The following PDE4D variants were observed in gnomAD, a reference collection of about 807,000 sequenced individuals.
PDE4D encodes the protein phosphodiesterase 4D.
Under a neutral mutation model 87.4 loss-of-function variants are expected in PDE4D, and 24 were observed. The ratio of observed to expected loss-of-function variants is 0.27; its 90% CI spans 0.20 to 0.39. PDE4D has a LOEUF of 0.39. Among genes scored for constraint, PDE4D ranks in the 10% least tolerant of loss-of-function variants. PDE4D has a pLI of 1.00. For missense variants in PDE4D, 714 were observed against 1,041.0 expected, an observed-to-expected ratio of 0.69 and a Z score of 4.32; for synonymous variants, 384 against 383.2, an observed-to-expected ratio of 1.00 and a Z score of -0.02.
intron 1 of PDE4D, among the ~76,000 whole-genome samples, chr5:60,465,262 C>G (rs1482995053): frequency 6.6e-6 from 1 of 152,150 alleles, no homozygotes; most frequent in Non-Finnish European, 1.5e-5. Flanking sequence ...AAACTAACAC[C>G]TCATTCCTCT....
At chr5:59,610,164 G>T (rs566192836) in intron 1 of PDE4D, among the ~76,000 whole-genome samples, 1 of 152,280 alleles carries the variant, frequency 6.6e-6, no homozygotes, top group East Asian at 1.9e-4. Flanking sequence ...CCAGTACAAA[G>T]TGACATCCTG....
At chr5:59,748,164 G>A (rs1369842079) in intron 1 of PDE4D, among the ~76,000 whole-genome samples, 1 of 152,178 alleles carries the variant, frequency 6.6e-6, no homozygotes, top group African/African-American at 2.4e-5. Context: ...GCACATGTGA[G>A]CAGAAGAATA....
chr5:60,454,844 C>T (rs1286970469), intron 1 of PDE4D, among the ~76,000 whole-genome samples: 1 of 151,890 alleles, frequency 6.6e-6, no homozygotes, highest in East Asian at 1.9e-4. Flanking sequence ...TGGTCTTTCC[C>T]CTGGTAGATA....
intron 1 of PDE4D, among the ~76,000 whole-genome samples, chr5:59,406,994 C>A (rs973857829): frequency 6.6e-6 from 1 of 152,130 alleles, no homozygotes; most frequent in Non-Finnish European, 1.5e-5. Flanking sequence ...AACAGGGAGA[C>A]ACTAAAATAC....
intron 1 of PDE4D, among the ~76,000 whole-genome samples, chr5:59,339,102 G>A (rs1778256819): frequency 6.6e-6 from 1 of 152,104 alleles, no homozygotes; most frequent in Non-Finnish European, 1.5e-5. Flanking sequence ...CCCTACCTTT[G>A]TCCTACACAA....
intron 2 of PDE4D, among the ~76,000 whole-genome samples, chr5:60,013,714 T>C (rs543308935): frequency 1.3e-5 from 2 of 152,324 alleles, no homozygotes; most frequent in Non-Finnish European, 2.9e-5. Context: ...TGCCACTTCA[T>C]GTAGTTTCTC....
At chr5:60,280,917 C>T (rs1751829372) in intron 1 of PDE4D, among the ~76,000 whole-genome samples, 1 of 152,132 alleles carries the variant, frequency 6.6e-6, no homozygotes, top group Non-Finnish European at 1.5e-5. Flanking sequence ...ATCTCTAAGG[C>T]TTTGGAGGTC....
chr5:60,340,672 T>G (rs1038267310), intron 1 of PDE4D, among the ~76,000 whole-genome samples: 1 of 149,616 alleles, frequency 6.7e-6, no homozygotes, highest in Non-Finnish European at 1.5e-5. Flanking sequence ...TTAAATAAAA[T>G]TTACAGAATA....
At position 60,016,011 on chromosome 5, in the gene PDE4D, TTC is replaced by T. The variant is rs557990158; in HGVS notation, c.43-27296_43-27295del. 5.5e-3 allele frequency among the ~76,000 whole-genome samples: 801 copies of T among 146,536 alleles called. 6 individuals carry two copies. The highest frequency in any genetic ancestry group is 0.019 in the African/African-American group (761 of 39,512). ...CACGCCATTCTTAAAATAATCTCTG[TTC>T]TCTCTCTCTCTCTGTGTGTGTGTGT... On this transcript the variant is annotated intron_variant, in intron 2 of 16. Coordinates refer to the PDE4D transcript ENST00000502484.
chr5:60,370,769 G>C (rs1290056870), intron 1 of PDE4D, among the ~76,000 whole-genome samples: 1 of 152,146 alleles, frequency 6.6e-6, no homozygotes. Flanking sequence ...ATGTGTGTGT[G>C]TGTGTGTGCG....
intron 6 of PDE4D, chr5:58,999,509 C>G: frequency 6.5e-7 from 1 of 1,534,202 alleles, no homozygotes. Context: ...CCCCAAGACA[C>G]TGACAGTAAA....
intron 1 of PDE4D, among the ~76,000 whole-genome samples, chr5:59,629,241 T>A (rs1187394260): frequency 6.6e-6 from 1 of 152,090 alleles, no homozygotes; most frequent in Non-Finnish European, 1.5e-5. Context: ...TGTCCCCCTA[T>A]CAAAATTAAT....
intron 1 of PDE4D, among the ~76,000 whole-genome samples, chr5:60,261,204 T>G (rs1749616024): frequency 6.6e-6 from 1 of 152,284 alleles, no homozygotes; most frequent in East Asian, 1.9e-4. Context: ...CATTGTTCCA[T>G]ACCATTTCTT....
In PDE4D at chr5:60,417,651, G is replaced by C. The variant is rs182921044; in HGVS notation, c.-90+70291C>G. Among the ~76,000 whole-genome samples the C allele has an allele frequency of 2.6e-5, 4 of 152,288 alleles. No individual in the cohort carries two copies. In the East Asian group the frequency reaches 7.7e-4, roughly 29 times the overall value. On this transcript the variant is annotated intron_variant, in intron 1 of 16. Coordinates refer to the PDE4D transcript ENST00000502484. The stretch of plus-strand genomic sequence containing the variant: ...ACAGGAATCTCAACATGGGAGGATG[G>C]GGCTTGGGGGCTTAGAGCTTTAGAA...
chr5:60,115,473 T>TA (rs1422656317), intron 2 of PDE4D, among the ~76,000 whole-genome samples: 2 of 152,146 alleles, frequency 1.3e-5, no homozygotes, highest in African/African-American at 4.8e-5. Context: ...TAATTATTTT[T>TA]AAAAAACTAG....
intron 1 of PDE4D, among the ~76,000 whole-genome samples, chr5:59,813,808 A>T (rs1581225824): frequency 6.6e-6 from 1 of 152,224 alleles, no homozygotes; most frequent in East Asian, 1.9e-4. Flanking sequence ...TGTTCTTACC[A>T]GTCTCAACTC....
At chr5:59,579,713 C>G (rs1823763085) in intron 1 of PDE4D, among the ~76,000 whole-genome samples, 1 of 152,172 alleles carries the variant, frequency 6.6e-6, no homozygotes, top group Non-Finnish European at 1.5e-5. Context: ...GCTCCACACA[C>G]CAAGTGTGTA....
intron 2 of PDE4D, among the ~76,000 whole-genome samples, chr5:60,028,394 A>G (rs925396287): frequency 6.6e-6 from 1 of 152,080 alleles, no homozygotes; most frequent in African/African-American, 2.4e-5. Flanking sequence ...AATTCTTCAC[A>G]TCTGTTCCTT....
intron 1 of PDE4D, among the ~76,000 whole-genome samples, chr5:59,683,835 G>C (rs1278479646): frequency 2.0e-5 from 3 of 152,014 alleles, no homozygotes; most frequent in Non-Finnish European, 4.4e-5. Flanking sequence ...ATTTTAGTAT[G>C]CCATAACAGA....
Sources: allele counts gnomAD v4.1 joint callset (sites outside exome capture counted in the v4.1 genomes callset), GRCh38; gene constraint gnomAD v4.1.1; transcripts MANE v1.5; gene names NCBI Gene and HGNC (gene_info 2026-07-23, HGNC 2026-07-21).